The following RBM18 variants were observed in gnomAD, a reference collection of about 807,000 sequenced individuals.
RBM18 encodes the protein RNA binding motif protein 18.
In RBM18, 18 loss-of-function variants were observed where a neutral mutation model predicts 26.4. The ratio of observed to expected loss-of-function variants is 0.68; its 90% CI spans 0.47 to 1.01. The LOEUF is 1.01. Ranked by LOEUF, RBM18 falls within the 50% of genes least tolerant of loss-of-function variation. RBM18 has a pLI of 0.00. For synonymous variants in RBM18, 74 were observed against 81.1 expected, an observed-to-expected ratio of 0.91 and a Z score of 0.47; for missense variants, 180 against 219.2, an observed-to-expected ratio of 0.82 and a Z score of 1.13.
chr9:122,243,713 A>G, intron 5 of RBM18: 2 of 985,216 alleles, frequency 2.0e-6, no homozygotes, highest in African/African-American at 3.5e-5. Context: ...TTAAAAACTA[A>G]GTTACAAGAA....
At chr9:122,262,946 T>C (rs544368451) in intron 1 of RBM18, among the ~76,000 whole-genome samples, 1 of 152,298 alleles carries the variant, frequency 6.6e-6, no homozygotes, top group African/African-American at 2.4e-5. Flanking sequence ...CCATCTTTAA[T>C]AAATTTTGCC....
intron 3 of RBM18, among the ~76,000 whole-genome samples, chr9:122,249,448 C>A (rs1056006747): frequency 1.3e-5 from 2 of 152,180 alleles, no homozygotes; most frequent in Non-Finnish European, 2.9e-5. Context: ...CATGGTGGCT[C>A]ACGCCTGTAA....
chr9:122,251,836 A>C lies in RBM18; in HGVS notation c.240+11T>G. On this transcript the variant is annotated intron_variant, in intron 3 of 5. Coordinates refer to ENST00000417201, the MANE Select transcript of RBM18 (RefSeq NM_033117.4). ...GATAAATATTATAAAATGGGGAGAAAGCTTAATTACCTGCTTAGTTTCAAA... is the reference window on the plus strand; with the variant it reads ...GATAAATATTATAAAATGGGGAGAACGCTTAATTACCTGCTTAGTTTCAAA... The C allele has an allele frequency of 6.2e-7, 1 of 1,612,174 alleles. No homozygotes were observed. Among genetic ancestry groups the C allele is most frequent in the South Asian group, 1.1e-5 (1 of 90,992 alleles).
At chr9:122,259,628 A>C (rs1210370861) in intron 2 of RBM18, among the ~76,000 whole-genome samples, 1 of 152,162 alleles carries the variant, frequency 6.6e-6, no homozygotes, top group Non-Finnish European at 1.5e-5. Context: ...CTGATTTATA[A>C]GGTTATATCC....
intron 5 of RBM18, 26 bp downstream of exon 5, chr9:122,245,230 T>C: frequency 7.4e-7 from 1 of 1,355,782 alleles, no homozygotes. Context: ...TGAATTACTG[T>C]GTCTTTCTAT....
intron 2 of RBM18, among the ~76,000 whole-genome samples, chr9:122,258,756 T>G (rs901574941): frequency 3.3e-5 from 5 of 151,684 alleles, no homozygotes; most frequent in African/African-American, 1.2e-4. Context: ...CTAGGAAACA[T>G]ACTGAGACCC....
intron 2 of RBM18, among the ~76,000 whole-genome samples, chr9:122,256,758 A>T (rs1831703587): frequency 6.6e-6 from 1 of 152,184 alleles, no homozygotes; most frequent in African/African-American, 2.4e-5. Flanking sequence ...TTCACTCTTC[A>T]TTTCCTATAT....
chr9:122,263,449 T>A (rs1477873179), intron 1 of RBM18, among the ~76,000 whole-genome samples: 1 of 152,214 alleles, frequency 6.6e-6, no homozygotes, highest in Non-Finnish European at 1.5e-5. Flanking sequence ...CCCCTACTTT[T>A]TAAACAAATC....
At chr9:122,258,086 A>G (rs191136867) in intron 2 of RBM18, among the ~76,000 whole-genome samples, 2 of 152,344 alleles carry the variant, frequency 1.3e-5, no homozygotes, top group East Asian at 1.9e-4. Context: ...TCACCATTAC[A>G]TGCCCTCAGA....
chr9:122,242,069 G>T, intron 5 of RBM18, 26 bp from the exon 6 acceptor site: 2 of 1,612,700 alleles, frequency 1.2e-6, no homozygotes, highest in Non-Finnish European at 1.7e-6. Flanking sequence ...CAGAGGATCA[G>T]AGTGGGCCTA....
intron 2 of RBM18, among the ~76,000 whole-genome samples, chr9:122,255,301 G>T (rs756101786): frequency 2.6e-5 from 4 of 152,160 alleles, no homozygotes; most frequent in Non-Finnish European, 5.9e-5. Flanking sequence ...GACATAAAAA[G>T]AAGTATGGAC....
chr9:122,242,350 T>C (rs189280549), intron 5 of RBM18, among the ~76,000 whole-genome samples: 82 of 152,328 alleles, frequency 5.4e-4, no homozygotes, highest in African/African-American at 2.0e-3. Flanking sequence ...AGAGAGTAGG[T>C]ACTAAAAATA....
intron 4 of RBM18, among the ~76,000 whole-genome samples, chr9:122,245,892 T>A (rs1052529837): frequency 5.9e-5 from 9 of 151,978 alleles, no homozygotes; most frequent in African/African-American, 2.2e-4. Flanking sequence ...CTTAGGAGGC[T>A]GAGGTAAGAG....
At position 122,262,719 on chromosome 9, in the gene RBM18, G is replaced by A. The variant is rs550916002; in HGVS notation, c.-16-1211C>T. On this transcript the variant is annotated intron_variant, in intron 1 of 5. Coordinates refer to ENST00000417201, the MANE Select transcript of RBM18 (RefSeq NM_033117.4). The stretch of plus-strand genomic sequence containing the variant: ...ATGCCTCAGCCTCCCGAGTAGCTGG[G>A]ATTACAGGTGCATGCCACTAAGCCT... Among the ~76,000 whole-genome samples, 42 of 152,256 alleles carry A rather than the reference G, an allele frequency of 2.8e-4. 1 individual carries two copies. The highest frequency in any genetic ancestry group is 1.0e-3 in the African/African-American group (42 of 41,530).
intron 2 of RBM18, among the ~76,000 whole-genome samples, chr9:122,256,299 G>A (rs1831697124): frequency 6.6e-6 from 1 of 152,084 alleles, no homozygotes; most frequent in Admixed American, 6.5e-5. Flanking sequence ...TTTCTTATTA[G>A]TACTTATAGG....
intron 4 of RBM18, among the ~76,000 whole-genome samples, chr9:122,245,905 T>C (rs1831499183): frequency 6.6e-6 from 1 of 152,028 alleles, no homozygotes; most frequent in South Asian, 2.1e-4. Context: ...GGTAAGAGGA[T>C]TGCTTGAGCC....
At chr9:122,249,125 TA>T (rs1287442158) in intron 3 of RBM18, among the ~76,000 whole-genome samples, 3 of 141,676 alleles carry the variant, frequency 2.1e-5, no homozygotes, top group East Asian at 2.1e-4. Context: ...ATGTTTTTTT[TA>T]AAATAATTTC....
intron 2 of RBM18, among the ~76,000 whole-genome samples, chr9:122,261,175 AC>A (rs1043851639): frequency 3.3e-5 from 5 of 152,154 alleles, no homozygotes; most frequent in Non-Finnish European, 7.4e-5. Flanking sequence ...ATTAAAGGAT[AC>A]CCAAGTCTGT....
At position 122,262,095 on chromosome 9, in the gene RBM18, C is replaced by T. The variant is rs555595795; in HGVS notation, c.-16-587G>A. ...CTCATTATCTAGAGAGATAATAGTGCTTATTTTATAGAGTTGTTGTGAAGA... is the reference window on the plus strand; with the variant it reads ...CTCATTATCTAGAGAGATAATAGTGTTTATTTTATAGAGTTGTTGTGAAGA... On this transcript the variant is annotated intron_variant, in intron 1 of 5. Transcript: ENST00000417201. 3.3e-5 allele frequency among the ~76,000 whole-genome samples: 5 copies of T among 151,436 alleles called. No homozygotes were observed. In the South Asian group the frequency reaches 6.4e-4, roughly 19 times the overall value.
Sources: allele counts gnomAD v4.1 joint callset (sites outside exome capture counted in the v4.1 genomes callset), GRCh38; gene constraint gnomAD v4.1.1; transcripts MANE v1.5; gene names NCBI Gene and HGNC (gene_info 2026-07-23, HGNC 2026-07-21).